SMARCAL1: variants seen among roughly 807,000 people sequenced by gnomAD.
The protein encoded by SMARCAL1 is SNF2 related chromatin remodeling annealing helicase 1.
In SMARCAL1, 58 loss-of-function variants were observed where a neutral mutation model predicts 94.5. The ratio of observed to expected loss-of-function variants is 0.61; its 90% CI spans 0.50 to 0.76. The LOEUF is 0.76. SMARCAL1 is among the 30% of genes least tolerant of loss of function. The pLI, the probability that SMARCAL1 is intolerant of heterozygous loss-of-function variation, is 0.00. For synonymous variants in SMARCAL1, 422 were observed against 455.1 expected, an observed-to-expected ratio of 0.93 and a Z score of 0.93; for missense variants, 1,051 against 1,177.9, an observed-to-expected ratio of 0.89 and a Z score of 1.58.
intron 5 of SMARCAL1, among the ~76,000 whole-genome samples, chr2:216,421,455 A>G (rs545817031): frequency 1.7e-3 from 257 of 152,074 alleles, no homozygotes; most frequent in Middle Eastern, 3.4e-3. Flanking sequence ...CTGCCACCAC[A>G]CTGGGCTAAT....
At chr2:216,480,763 G>A (rs992959514) in intron 17 of SMARCAL1, among the ~76,000 whole-genome samples, 2 of 152,284 alleles carry the variant, frequency 1.3e-5, no homozygotes, top group African/African-American at 2.4e-5. Flanking sequence ...GGCCAGGTAC[G>A]TTGAGACCTA....
chr2:216,477,638 G>C (rs1238470278), intron 16 of SMARCAL1, among the ~76,000 whole-genome samples: 1 of 152,178 alleles, frequency 6.6e-6, no homozygotes, highest in Non-Finnish European at 1.5e-5. Context: ...ACCACAGGGA[G>C]AAAGTGGCTT....
At chr2:216,430,626 G>T (rs140562615) in intron 7 of SMARCAL1, among the ~76,000 whole-genome samples, 10 of 152,040 alleles carry the variant, frequency 6.6e-5, no homozygotes, top group African/African-American at 2.4e-4. Context: ...TGGCCACTTT[G>T]TTCCTTAGTT....
chr2:216,432,634 C>G, intron 7 of SMARCAL1, 84 bp from the exon 8 acceptor site: 1 of 1,561,832 alleles, frequency 6.4e-7, no homozygotes, highest in South Asian at 1.1e-5. Flanking sequence ...GTGGCCTTCA[C>G]CCAGCAGTGC....
intron 12 of SMARCAL1, among the ~76,000 whole-genome samples, chr2:216,457,854 A>C (rs951619347): frequency 2.6e-5 from 4 of 152,220 alleles, no homozygotes; most frequent in African/African-American, 9.6e-5. Flanking sequence ...ACTGAAGGAG[A>C]TAGAGACACA....
Position 216,435,404 on chromosome 2 carries a change from C to A in SMARCAL1, c.1552C>A (p.Arg518Ser). ...CAACGTCGTGGTGACTGGGAAGGAC[C>A]GCCTGACAGCTGGCCTGATCAACAT... ...CINVVVTGKD[R>S]LTAGLINIVS... The change falls in exon 9 of 18, where the codon CGC (arginine) becomes AGC (serine). Residue 518 changes from arginine to serine, a missense_variant. By Grantham distance (110) the Arg-to-Ser change is moderately radical. Coordinates refer to ENST00000357276, the MANE Select transcript of SMARCAL1 (RefSeq NM_014140.4). 1 of 1,614,140 alleles carries A rather than the reference C, an allele frequency of 6.2e-7. No homozygotes were observed. Among genetic ancestry groups the A allele is most frequent in the Non-Finnish European group, 8.5e-7 (1 of 1,179,992 alleles).
At chr2:216,468,589 A>T (rs560371542) in intron 14 of SMARCAL1, among the ~76,000 whole-genome samples, 2 of 152,350 alleles carry the variant, frequency 1.3e-5, no homozygotes, top group African/African-American at 4.8e-5. Flanking sequence ...GTTAAATTTA[A>T]GGCTGTAAAT....
rs550127858 is a variant in SMARCAL1, at chr2:216,434,919, C to T, written c.1486-419C>T. 2.1e-5 allele frequency among the ~76,000 whole-genome samples: 3 copies of T among 145,802 alleles called. No homozygotes were observed. The East Asian group carries it at 6.2e-4, about 30-fold the overall frequency. On this transcript the variant is annotated intron_variant, in intron 8 of 17. Transcript: ENST00000357276. ...TGTTGCCCAGGCCGGAGTGCAATGG[C>T]GCGATCTCGTCTCACCACAACCTCC...
chr2:216,429,456 C>T (rs1693914237), intron 7 of SMARCAL1, among the ~76,000 whole-genome samples: 1 of 152,200 alleles, frequency 6.6e-6, no homozygotes. Flanking sequence ...AAAGATAAAC[C>T]TACATCCTGA....
In SMARCAL1 at chr2:216,482,184, G is replaced by T. The variant is rs1206735657; in HGVS notation, c.2626-554G>T. ...GAAGTTGGGGGGCTGGGCACATGGT[G>T]GCTCACACCTGTAATCCCAACATTT... On this transcript the variant is annotated intron_variant, in intron 17 of 17. Coordinates refer to ENST00000357276, the MANE Select transcript of SMARCAL1 (RefSeq NM_014140.4). The surrounding 1 kb of genome is among the most constrained non-coding windows in gnomAD (Gnocchi z 4.3). Among the ~76,000 whole-genome samples, 1 of 152,178 alleles carries T rather than the reference G, an allele frequency of 6.6e-6. No homozygotes were observed. The highest frequency in any genetic ancestry group is 1.9e-4 in the East Asian group (1 of 5,198).
In SMARCAL1 at chr2:216,482,404, T is replaced by G. The variant is rs1455251471; in HGVS notation, c.2626-334T>G. Among the ~76,000 whole-genome samples, 1 of 152,252 alleles carries G rather than the reference T, an allele frequency of 6.6e-6. No individual in the cohort carries two copies. The highest frequency in any genetic ancestry group is 2.4e-5 in the African/African-American group (1 of 41,466). ...GGAGGAAGTGAGATCTTGGGTGCTA[T>G]TTCAGTATTGAAATAATGATTTGGA... On this transcript the variant is annotated intron_variant, in intron 17 of 17. Transcript: ENST00000357276. This position sits in a 1 kb window ranked among gnomAD's most constrained non-coding sequence, Gnocchi z 4.3.
intron 17 of SMARCAL1, among the ~76,000 whole-genome samples, chr2:216,480,370 G>T (rs1695170632): frequency 6.6e-6 from 1 of 152,168 alleles, no homozygotes; most frequent in Non-Finnish European, 1.5e-5. Flanking sequence ...ATCTGATCTT[G>T]GAACTCGCTT....
chr2:216,445,417 G>C (rs961916646), intron 10 of SMARCAL1, among the ~76,000 whole-genome samples: 1 of 152,114 alleles, frequency 6.6e-6, no homozygotes, highest in Admixed American at 6.5e-5. Flanking sequence ...CTCTAGTCTA[G>C]GGAGTGTATG....
rs751084968 is a variant in SMARCAL1, at chr2:216,482,964, C to T, written c.2852C>T (p.Thr951Met). 1.2e-6 allele frequency: 2 copies of T among 1,613,830 alleles called. No individual in the cohort carries two copies. Among genetic ancestry groups the T allele is most frequent in the South Asian group, 1.1e-5 (1 of 91,044 alleles). ...FEFFDNWDSF[T>M]SPL The stretch of plus-strand genomic sequence containing the variant: ...TTTTTTGATAACTGGGACAGCTTTA[C>T]GTCTCCCCTGTAAAAGGGGCAAAAA... Residue 951 changes from threonine to methionine, a missense_variant, in exon 18 of 18, where the codon ACG (threonine) becomes ATG (methionine). By Grantham distance (81) the Thr-to-Met change is moderately conservative. This residue lies in a region of SMARCAL1 where 642 missense variants were observed against 754.7 expected (regional missense o/e 0.85). Coordinates refer to ENST00000357276, the MANE Select transcript of SMARCAL1 (RefSeq NM_014140.4). The surrounding 1 kb of genome is among the most constrained non-coding windows in gnomAD (Gnocchi z 4.3).
chr2:216,451,027 A>C lies in SMARCAL1; in HGVS notation c.2033A>C (p.Asp678Ala). 6.2e-7 allele frequency: 1 copy of C among 1,614,198 alleles called. No individual in the cohort carries two copies. Among genetic ancestry groups the C allele is most frequent in the Non-Finnish European group, 8.5e-7 (1 of 1,180,020 alleles). ...AATGCCAGGACCAGAGCTGCCCTGG[A>C]TGCTGCAGCCAAGGAAATGACCACC... is the stretch of plus-strand genomic sequence containing the variant. ...RINARTRAAL[D>A]AAAKEMTTKD... Residue 678 changes from aspartate to alanine, a missense_variant, in exon 12 of 18, where the codon GAT (aspartate) becomes GCT (alanine). By Grantham distance (126) the Asp-to-Ala change is moderately radical (BLOSUM62 -2). Transcript: ENST00000357276.
chr2:216,453,738 TA>T (rs1694498018), intron 12 of SMARCAL1, among the ~76,000 whole-genome samples: 1 of 152,240 alleles, frequency 6.6e-6, no homozygotes, highest in Admixed American at 6.5e-5. Context: ...AGTTACTTTT[TA>T]GTCCCAAGTT....
At chr2:216,435,194 T>C (rs1266073417) in intron 8 of SMARCAL1, 144 bp from the exon 9 acceptor site, 1 of 806,080 alleles carries the variant, frequency 1.2e-6, no homozygotes, top group African/African-American at 1.7e-5. Flanking sequence ...GGGAGTGTCC[T>C]GTTAGTGGCA....
intron 5 of SMARCAL1, among the ~76,000 whole-genome samples, chr2:216,422,051 G>T (rs1693733682): frequency 6.6e-6 from 1 of 152,038 alleles, no homozygotes; most frequent in Non-Finnish European, 1.5e-5. Flanking sequence ...TGCCTTTCCT[G>T]CCCCCTCAGG....
intron 12 of SMARCAL1, among the ~76,000 whole-genome samples, chr2:216,460,389 A>G (rs542426520): frequency 3.3e-5 from 5 of 152,326 alleles, no homozygotes; most frequent in Admixed American, 3.3e-4. Context: ...ATGCATATGT[A>G]TGTTTATTGC....
Sources: allele counts gnomAD v4.1 joint callset (sites outside exome capture counted in the v4.1 genomes callset), GRCh38; gene constraint gnomAD v4.1.1; regional missense constraint gnomAD v4.1.1; non-coding constraint Gnocchi (gnomAD v3.1); transcripts MANE v1.5; gene names NCBI Gene and HGNC (gene_info 2026-07-23, HGNC 2026-07-21).